The following ADAMTS17 variants were observed in gnomAD, a reference collection of about 807,000 sequenced individuals.
ADAMTS17 encodes ADAM metallopeptidase with thrombospondin type 1 motif 17.
Under a neutral mutation model 141.5 loss-of-function variants are expected in ADAMTS17, and 113 were observed. The observed-to-expected ratio is 0.80, with a 90% CI of 0.69 to 0.93. ADAMTS17 has a LOEUF of 0.93. ADAMTS17 is among the 40% of genes least tolerant of loss of function. The pLI is 0.00. For missense variants in ADAMTS17, 1,659 were observed against 1,517.9 expected, an observed-to-expected ratio of 1.09 and a Z score of -1.54; for synonymous variants, 768 against 630.6, an observed-to-expected ratio of 1.22 and a Z score of -3.27.
At chr15:100,185,501 C>T (rs1053687941) in intron 8 of ADAMTS17, among the ~76,000 whole-genome samples, 1 of 152,180 alleles carries the variant, frequency 6.6e-6, no homozygotes, top group Non-Finnish European at 1.5e-5. Context: ...CCTCTTCAAA[C>T]TCCAAAAATC....
intron 8 of ADAMTS17, among the ~76,000 whole-genome samples, chr15:100,171,701 G>A (rs2040166870): frequency 6.6e-6 from 1 of 152,098 alleles, no homozygotes; most frequent in African/African-American, 2.4e-5. Context: ...CCAAAAGCAG[G>A]ACTGGTCATG....
intron 7 of ADAMTS17, among the ~76,000 whole-genome samples, chr15:100,230,547 T>C (rs1317405822): frequency 1.3e-5 from 2 of 152,166 alleles, no homozygotes; most frequent in Non-Finnish European, 2.9e-5. Context: ...TGCAATGGCA[T>C]CATAGCCGAA....
In ADAMTS17 at chr15:99,974,529, C is replaced by T. The variant is rs1345642247; in HGVS notation, c.3161G>A (p.Trp1054Ter). The T allele has an allele frequency of 6.2e-7, 1 of 1,614,260 alleles. No homozygotes were observed. The highest frequency in any genetic ancestry group is 2.2e-5 in the East Asian group (1 of 44,884). The change falls in exon 22 of 22, where the codon TGG (tryptophan) becomes TAG (stop). Residue 1054 changes from tryptophan to a stop codon, truncating the protein, a stop_gained. Transcript: ENST00000268070. LOFTEE classifies it high-confidence loss of function. ...ALTYKCTRDQWTVYCRVIREK... is the reference protein window; with the variant it reads ...ALTYKCTRDQ ...TCGGATGACCCGGCAATATACCGTC[C>T]ACTGGTCTCGTGTGCATTTGTAGGT... is the stretch of plus-strand genomic sequence containing the variant.
rs1382328551 is a variant in ADAMTS17 at position 99,974,523 on chromosome 15, A to G, written c.3167T>C (p.Val1056Ala). 1 of 1,614,190 alleles carries G rather than the reference A, an allele frequency of 6.2e-7. No individual in the cohort carries two copies. The highest frequency in any genetic ancestry group is 8.5e-7 in the Non-Finnish European group (1 of 1,180,016). Residue 1056 changes from valine (V) to alanine (A), a missense_variant, in exon 22 of 22, where the codon GTA becomes GCA. By Grantham distance (64) the Val-to-Ala change is moderately conservative (BLOSUM62 0). Transcript: ENST00000268070. ...CTTTTCTCGGATGACCCGGCAATATACCGTCCACTGGTCTCGTGTGCATTT... is the reference window on the plus strand; with the variant it reads ...CTTTTCTCGGATGACCCGGCAATATGCCGTCCACTGGTCTCGTGTGCATTT... ...TYKCTRDQWT[V>A]YCRVIREKNL...
chr15:100,243,795 AAAAAAAAAGAAAG>A (rs2042900770), intron 7 of ADAMTS17, among the ~76,000 whole-genome samples: 1 of 87,102 alleles, frequency 1.1e-5, no homozygotes. Context: ...ATCTTAAAAA[AAAAAAAAAGAAAG>A]AAAAGAAAAA....
chr15:99,973,908 A>G lies in ADAMTS17; in HGVS notation c.*494T>C. On this transcript the variant is annotated 3_prime_UTR_variant, in exon 22 of 22. Transcript: ENST00000268070. ...AGGTAGATGGAGAGAAACGTGTGCT[A>G]AGCAGCCCGGCCCTCCCCAGAGAAG... is the stretch of plus-strand genomic sequence containing the variant. 2 of 227,418 alleles carry G rather than the reference A, an allele frequency of 8.8e-6. No individual in the cohort carries two copies. The highest frequency in any genetic ancestry group is 1.8e-5 in the Non-Finnish European group (2 of 113,592). The allele number at this position is 227,418 out of a possible 1,614,324, so 14.1% of individuals were successfully genotyped here.
chr15:99,994,575 TTTTTA>T (rs1011031124), intron 19 of ADAMTS17, among the ~76,000 whole-genome samples: 1 of 151,276 alleles, frequency 6.6e-6, no homozygotes, highest in Non-Finnish European at 1.5e-5. Flanking sequence ...CTTTTTTTAT[TTTTTA>T]TTTTGAGACG....
At chr15:100,101,142 A>G (rs1049878546) in intron 14 of ADAMTS17, among the ~76,000 whole-genome samples, 1 of 152,040 alleles carries the variant, frequency 6.6e-6, no homozygotes, top group East Asian at 1.9e-4. Context: ...CTCTGCCTGG[A>G]GCTCTCTGCC....
At chr15:100,096,841 A>G (rs910651164) in intron 14 of ADAMTS17, among the ~76,000 whole-genome samples, 13 of 152,248 alleles carry the variant, frequency 8.5e-5, no homozygotes, top group Non-Finnish European at 1.8e-4. Flanking sequence ...CAGCAGGTGC[A>G]GCCACAATTT....
intron 15 of ADAMTS17, among the ~76,000 whole-genome samples, chr15:100,087,390 G>T (rs965969472): frequency 1.8e-4 from 28 of 152,158 alleles, no homozygotes; most frequent in African/African-American, 5.6e-4. Flanking sequence ...TGGATTCACA[G>T]CCGAATTCTA....
At chr15:100,062,033 G>T (rs184237484) in intron 15 of ADAMTS17, among the ~76,000 whole-genome samples, 56 of 152,334 alleles carry the variant, frequency 3.7e-4, no homozygotes, top group African/African-American at 1.3e-3. Context: ...TTAGTAAAAA[G>T]AGGCTGTCAC....
intron 4 of ADAMTS17, 31 bp from the exon 5 acceptor site, chr15:100,262,466 T>C (rs1329288603): frequency 5.7e-6 from 9 of 1,585,682 alleles, no homozygotes; most frequent in African/African-American, 1.4e-5. Context: ...AATAAAGATA[T>C]AAAGATAAAA....
intron 15 of ADAMTS17, among the ~76,000 whole-genome samples, chr15:100,079,140 G>A (rs917334912): frequency 6.6e-6 from 1 of 152,218 alleles, no homozygotes; most frequent in African/African-American, 2.4e-5. Flanking sequence ...TTGGAAAAGA[G>A]TTTGGCAGCT....
intron 12 of ADAMTS17, among the ~76,000 whole-genome samples, chr15:100,119,264 T>C (rs1006059401): frequency 6.6e-6 from 1 of 152,078 alleles, no homozygotes; most frequent in African/African-American, 2.4e-5. Flanking sequence ...GGGTCCTTTG[T>C]TATGGCAGCC....
chr15:99,974,278 C>T lies in ADAMTS17; in HGVS notation c.*124G>A, dbSNP rs79095568. On this transcript the variant is annotated 3_prime_UTR_variant, in exon 22 of 22. Transcript: ENST00000268070. ...TAATGGCAAACGCCAAGTCCACGCT[C>T]ATGTTCTATGTAGTTGGATTCTTGT... is the stretch of plus-strand genomic sequence containing the variant. 6.2e-6 allele frequency: 8 copies of T among 1,281,018 alleles called. No individual in the cohort carries two copies. The East Asian group carries it at 7.0e-5, about 11-fold the overall frequency. The allele number at this position is 1,281,018 out of a possible 1,614,324, so 79.4% of individuals were successfully genotyped here. A position where few individuals can be genotyped will look rare whatever the true frequency, so the allele number is the denominator to read the frequency against.
rs150030293 is a variant in ADAMTS17 at position 100,084,030 on chromosome 15, G to A, written c.2137+12326C>T. Among the ~76,000 whole-genome samples, 1,192 of 152,168 alleles carry A rather than the reference G, an allele frequency of 7.8e-3. 14 individuals are homozygous for A. The highest frequency in any genetic ancestry group is 0.027 in the African/African-American group (1,133 of 41,500). ...GGGTGCAGTGCACCGTGAGTGAGCC[G>A]AAGCAGGGTGAGGCATCACCTCACC... On this transcript the variant is annotated intron_variant, in intron 15 of 21. Coordinates refer to ENST00000268070, the MANE Select transcript of ADAMTS17 (RefSeq NM_139057.4).
At chr15:100,060,862 T>C (rs2033064755) in intron 15 of ADAMTS17, among the ~76,000 whole-genome samples, 1 of 152,176 alleles carries the variant, frequency 6.6e-6, no homozygotes, top group Admixed American at 6.5e-5. Context: ...TCAAAGTAAT[T>C]CAAAGTTACA....
chr15:100,208,833 G>T (rs1053959564), intron 7 of ADAMTS17, among the ~76,000 whole-genome samples: 1 of 152,074 alleles, frequency 6.6e-6, no homozygotes, highest in Admixed American at 6.5e-5. Context: ...TATGTCTTTG[G>T]TATATCCAAG....
chr15:100,193,268 G>A (rs2040986782), intron 8 of ADAMTS17, among the ~76,000 whole-genome samples: 1 of 152,246 alleles, frequency 6.6e-6, no homozygotes, highest in Non-Finnish European at 1.5e-5. Flanking sequence ...TCTCCCGGGA[G>A]CTGACGGAGT....
Sources: gnomAD v4.1 joint callset for allele counts (sites outside exome capture counted in the v4.1 genomes callset) on GRCh38, gnomAD v4.1.1 for gene constraint, MANE v1.5 for transcripts, NCBI Gene and HGNC (gene_info 2026-07-23, HGNC 2026-07-21) for gene names.